Variants in HIPK2 observed in about 807,000 individuals in gnomAD.
HIPK2 encodes homeodomain-interacting protein kinase 2.
Under a neutral mutation model 113.7 loss-of-function variants are expected in HIPK2, and 27 were observed. That is an observed-to-expected ratio of 0.24 (90% CI 0.17 to 0.33). The LOEUF (loss-of-function observed/expected upper bound fraction) is 0.33, where lower values mean the gene tolerates loss of function less well. Ranked by LOEUF, HIPK2 falls within the 10% of genes least tolerant of loss-of-function variation. The pLI is 1.00. For missense variants in HIPK2, 1,257 were observed against 1,588.0 expected, an observed-to-expected ratio of 0.79 and a Z score of 3.54; for synonymous variants, 631 against 642.2, an observed-to-expected ratio of 0.98 and a Z score of 0.26.
At chr7:139,632,044 T>C (rs1215774186) in intron 2 of HIPK2, among the ~76,000 whole-genome samples, 2 of 152,254 alleles carry the variant, frequency 1.3e-5, no homozygotes, top group South Asian at 2.1e-4. Context: ...ATTTTAGAGA[T>C]ATTCTGAAGT....
chr7:139,763,535 A>C (rs1026570725), intron 1 of HIPK2, among the ~76,000 whole-genome samples: 4 of 124,852 alleles, frequency 3.2e-5, no homozygotes, highest in Non-Finnish European at 6.3e-5. Context: ...TGCAGCTTTC[A>C]CTCTACAACT....
At chr7:139,672,554 C>T (rs1037687932) in intron 2 of HIPK2, among the ~76,000 whole-genome samples, 1 of 152,178 alleles carries the variant, frequency 6.6e-6, no homozygotes, top group African/African-American at 2.4e-5. Context: ...CAACCTCTGC[C>T]TCCTGGGTTC....
intron 7 of HIPK2, among the ~76,000 whole-genome samples, chr7:139,617,449 G>C (rs1800096923): frequency 6.6e-6 from 1 of 152,226 alleles, no homozygotes; most frequent in Non-Finnish European, 1.5e-5. Flanking sequence ...CGTTCAAATG[G>C]TTCCAGAAGG....
chr7:139,612,178 G>A (rs1030109729), intron 9 of HIPK2, among the ~76,000 whole-genome samples: 3 of 151,164 alleles, frequency 2.0e-5, no homozygotes, highest in African/African-American at 4.9e-5. Flanking sequence ...ACAAACCTAC[G>A]CAATTTGATT....
At chr7:139,766,131 G>C (rs187686714) in intron 1 of HIPK2, among the ~76,000 whole-genome samples, 34 of 152,298 alleles carry the variant, frequency 2.2e-4, no homozygotes, top group African/African-American at 7.7e-4. Context: ...AGACTGCCTG[G>C]AGTCGATCCC....
chr7:139,578,414 G>A (rs1047380166), intron 13 of HIPK2, among the ~76,000 whole-genome samples: 3 of 152,196 alleles, frequency 2.0e-5, no homozygotes, highest in Non-Finnish European at 2.9e-5. Context: ...CCAAAGTGTT[G>A]GGATTACAGG....
intron 2 of HIPK2, among the ~76,000 whole-genome samples, chr7:139,633,579 A>G (rs1474004172): frequency 1.3e-5 from 2 of 151,722 alleles, no homozygotes; most frequent in African/African-American, 4.8e-5. Flanking sequence ...TGGGAGGGTG[A>G]GATGGGAGGA....
chr7:139,627,886 T>C (rs1340180908), intron 5 of HIPK2, among the ~76,000 whole-genome samples: 2 of 152,228 alleles, frequency 1.3e-5, no homozygotes, highest in South Asian at 2.1e-4. Context: ...GCAGATTGAA[T>C]TGTATCCCTC....
Position 139,671,250 on chromosome 7 carries a change from G to T in HIPK2, c.1104-39525C>A, listed in dbSNP as rs73486044. On this transcript the variant is annotated intron_variant, in intron 2 of 14. Transcript: ENST00000406875. ...ACTGGAATTCAGGGAATTGAAATTG[G>T]CATGTCAAACAATAATAGAAGATTC... is the stretch of plus-strand genomic sequence containing the variant. Among the ~76,000 whole-genome samples the T allele has an allele frequency of 5.4e-3, 826 of 152,138 alleles. 8 individuals carry two copies. Among genetic ancestry groups the T allele is most frequent in the African/African-American group, 0.019 (772 of 41,484 alleles).
At chr7:139,639,506 G>A (rs1800930615) in intron 2 of HIPK2, among the ~76,000 whole-genome samples, 1 of 152,198 alleles carries the variant, frequency 6.6e-6, no homozygotes, top group African/African-American at 2.4e-5. Context: ...TCACCGTCTA[G>A]CCAAGGTAGC....
At chr7:139,692,443 T>C (rs1487994197) in intron 2 of HIPK2, among the ~76,000 whole-genome samples, 2 of 152,168 alleles carry the variant, frequency 1.3e-5, no homozygotes, top group Non-Finnish European at 2.9e-5. Flanking sequence ...CCCTGCACTA[T>C]GTTCCCACAT....
intron 2 of HIPK2, among the ~76,000 whole-genome samples, chr7:139,702,492 C>T (rs1794740071): frequency 1.3e-5 from 2 of 152,162 alleles, no homozygotes; most frequent in Admixed American, 1.3e-4. Flanking sequence ...AGGATACGTA[C>T]CCCATTACAT....
chr7:139,742,643 TGGACAGC>T (rs1391780267), intron 1 of HIPK2, among the ~76,000 whole-genome samples: 2 of 152,214 alleles, frequency 1.3e-5, no homozygotes, highest in East Asian at 3.9e-4. Context: ...TCATTCCAAA[TGGACAGC>T]AGATTTTCTG....
In HIPK2 at chr7:139,571,942, T is replaced by C. The variant is rs965629034; in HGVS notation, c.*985A>G. 3 of 152,248 alleles carry C rather than the reference T, an allele frequency of 2.0e-5. No individual in the cohort carries two copies. Among genetic ancestry groups the C allele is most frequent in the African/African-American group, 7.2e-5 (3 of 41,454 alleles). The allele number at this position is 152,248 out of a possible 1,614,324, so 9.4% of individuals were successfully genotyped here. On this transcript the variant is annotated 3_prime_UTR_variant, in exon 15 of 15. Transcript: ENST00000406875. ...CCACATTGGTTACATGCCTATGTTA[T>C]ATCGCTTTTTTTTGTGCAATTACAT...
At chr7:139,647,616 C>CTA (rs1268930481) in intron 2 of HIPK2, among the ~76,000 whole-genome samples, 1 of 151,940 alleles carries the variant, frequency 6.6e-6, no homozygotes, top group Non-Finnish European at 1.5e-5. Context: ...ATCTAGATAT[C>CTA]TATATATATG....
chr7:139,583,984 G>C lies in HIPK2; in HGVS notation c.2798C>G (p.Thr933Ser), dbSNP rs1189834491. The C allele has an allele frequency of 3.7e-6, 6 of 1,613,870 alleles. No homozygotes were observed. The highest frequency in any genetic ancestry group is 5.1e-6 in the Non-Finnish European group (6 of 1,179,848). ...DSPYSDSSSN[T>S]SPYSVQQRAG... is the part of the protein sequence containing the mutation. ...ACGCTGCTGCACGGAGTAGGGGCTG[G>C]TGTTGCTGGAGGAGTCGGAGTAGGG... Residue 933 changes from threonine (T) to serine (S), a missense_variant, in exon 13 of 15, where the codon ACC becomes AGC. By Grantham distance (58) the Thr-to-Ser change is moderately conservative. This residue lies in a region of HIPK2 where 862 missense variants were observed against 1,004.3 expected (regional missense o/e 0.86). Coordinates refer to ENST00000406875, the MANE Select transcript of HIPK2 (RefSeq NM_022740.5).
At position 139,613,446 on chromosome 7, in the gene HIPK2, A is replaced by G; in HGVS notation, c.1991-123T>C. The G allele has an allele frequency of 1.7e-6, 2 of 1,170,532 alleles. No individual in the cohort carries two copies. The highest frequency in any genetic ancestry group is 1.6e-5 in the South Asian group (1 of 64,482). 72.5% of individuals were successfully genotyped at this position (1,170,532 alleles called of 1,614,324 possible). Reference sequence around the variant, plus strand: ...TCCCTTTGCACTGGTCACTGACAACAACCAGGTATTGCCTGGTCCTTGGAA... The same window carrying G: ...TCCCTTTGCACTGGTCACTGACAACGACCAGGTATTGCCTGGTCCTTGGAA... On this transcript the variant is annotated intron_variant, in intron 8 of 14. Coordinates refer to ENST00000406875, the MANE Select transcript of HIPK2 (RefSeq NM_022740.5). The surrounding 1 kb of genome is among the most constrained non-coding windows in gnomAD (Gnocchi z 4.2).
intron 2 of HIPK2, among the ~76,000 whole-genome samples, chr7:139,639,403 A>G (rs1010884505): frequency 6.6e-6 from 1 of 152,204 alleles, no homozygotes; most frequent in Non-Finnish European, 1.5e-5. Context: ...AGAATATTCA[A>G]CCACCATTTA....
chr7:139,684,110 ATC>A (rs1369769859), intron 2 of HIPK2, among the ~76,000 whole-genome samples: 1 of 152,152 alleles, frequency 6.6e-6, no homozygotes, highest in East Asian at 1.9e-4. Context: ...TCATTGTGAT[ATC>A]TGTTATGGTG....
Sources: allele counts gnomAD v4.1 joint callset (sites outside exome capture counted in the v4.1 genomes callset), GRCh38; gene constraint gnomAD v4.1.1; regional missense constraint gnomAD v4.1.1; non-coding constraint Gnocchi (gnomAD v3.1); transcripts MANE v1.5; gene names NCBI Gene and HGNC (gene_info 2026-07-23, HGNC 2026-07-21).